PXDNL: variants seen among roughly 807,000 people sequenced by gnomAD.
The protein encoded by PXDNL is probable oxidoreductase PXDNL.
In PXDNL, 145 loss-of-function variants were observed where a neutral mutation model predicts 150.8. The observed-to-expected ratio is 0.96, with a 90% confidence interval of 0.84 to 1.10. The LOEUF (loss-of-function observed/expected upper bound fraction) is 1.10, where lower values mean the gene tolerates loss of function less well. PXDNL is among the 50% of genes least tolerant of loss of function. The pLI is 0.00. For synonymous variants in PXDNL, 757 were observed against 725.7 expected (o/e 1.04, Z -0.69); for missense variants, 2,087 against 1,873.9 (o/e 1.11, Z -2.10).
chr8:51,373,588 AC>A (rs1337835155), intron 18 of PXDNL, among the ~76,000 whole-genome samples: 3 of 152,228 alleles, frequency 2.0e-5, no homozygotes, highest in African/African-American at 7.2e-5. Flanking sequence ...ATTAATTGTT[AC>A]CAATGTGCAA....
At chr8:51,372,519 G>A (rs1807155851) in intron 18 of PXDNL, among the ~76,000 whole-genome samples, 1 of 152,140 alleles carries the variant, frequency 6.6e-6, no homozygotes, top group African/African-American at 2.4e-5. Context: ...CAAGTAGCTG[G>A]GATTACAGGC....
chr8:51,573,114 A>G (rs530035003), intron 3 of PXDNL, among the ~76,000 whole-genome samples: 3 of 152,192 alleles, frequency 2.0e-5, no homozygotes, highest in African/African-American at 4.8e-5. Context: ...GAAAACTTTT[A>G]GAAAATAATA....
At chr8:51,489,062 C>G (rs897466883) in intron 5 of PXDNL, among the ~76,000 whole-genome samples, 1 of 151,878 alleles carries the variant, frequency 6.6e-6, no homozygotes, top group Non-Finnish European at 1.5e-5. Context: ...GTAAAACATA[C>G]CAGGTTAGGA....
At chr8:51,769,304 C>G (rs535891346) in intron 1 of PXDNL, among the ~76,000 whole-genome samples, 1 of 152,336 alleles carries the variant, frequency 6.6e-6, no homozygotes, top group African/African-American at 2.4e-5. Flanking sequence ...TGCATCCACT[C>G]TCATAAAACT....
intron 1 of PXDNL, among the ~76,000 whole-genome samples, chr8:51,759,984 C>CT (rs1442195117): frequency 6.6e-6 from 1 of 152,240 alleles, no homozygotes; most frequent in East Asian, 1.9e-4. Flanking sequence ...TCTAACTTCT[C>CT]TATCAGTTCT....
intron 4 of PXDNL, among the ~76,000 whole-genome samples, chr8:51,538,077 AC>A (rs775808486): frequency 1.3e-5 from 2 of 152,230 alleles, no homozygotes; most frequent in Non-Finnish European, 1.5e-5. Flanking sequence ...AGAGGTACTT[AC>A]AAATAGACGT....
intron 3 of PXDNL, among the ~76,000 whole-genome samples, chr8:51,578,634 T>C (rs1813140876): frequency 6.6e-6 from 1 of 151,540 alleles, no homozygotes; most frequent in South Asian, 2.1e-4. Flanking sequence ...TATGTTTTAA[T>C]GGAAAGGCAA....
chr8:51,788,953 G>A (rs895491415), intron 1 of PXDNL, among the ~76,000 whole-genome samples: 1 of 141,598 alleles, frequency 7.1e-6, no homozygotes, highest in African/African-American at 3.0e-5. Flanking sequence ...TCCCTGTCCT[G>A]TGGATACAGA....
At chr8:51,782,745 T>C (rs1170597981) in intron 1 of PXDNL, among the ~76,000 whole-genome samples, 1 of 152,228 alleles carries the variant, frequency 6.6e-6, no homozygotes, top group East Asian at 1.9e-4. Context: ...CTCCAAGTCA[T>C]GGTACTTATC....
intron 8 of PXDNL, among the ~76,000 whole-genome samples, chr8:51,460,409 C>A (rs1431975413): frequency 1.4e-5 from 2 of 142,632 alleles, no homozygotes; most frequent in East Asian, 2.0e-4. Context: ...CATAGCTAAA[C>A]CTCAACATTA....
intron 8 of PXDNL, among the ~76,000 whole-genome samples, chr8:51,459,034 G>T (rs1810004717): frequency 6.6e-6 from 1 of 152,188 alleles, no homozygotes; most frequent in Non-Finnish European, 1.5e-5. Flanking sequence ...TGAAAAGCCA[G>T]CAATGCAAGA....
intron 21 of PXDNL, among the ~76,000 whole-genome samples, chr8:51,338,406 T>A (rs1195106763): frequency 6.6e-6 from 1 of 152,180 alleles, no homozygotes; most frequent in Non-Finnish European, 1.5e-5. Flanking sequence ...TTTAAGGGGC[T>A]TGTAGTTCAC....
At chr8:51,464,591 T>C (rs1233133200) in intron 8 of PXDNL, among the ~76,000 whole-genome samples, 2 of 151,974 alleles carry the variant, frequency 1.3e-5, no homozygotes, top group Non-Finnish European at 2.9e-5. Flanking sequence ...TAAGAGGAAA[T>C]GGACAATTCC....
chr8:51,603,758 A>G (rs1249495900), intron 2 of PXDNL, among the ~76,000 whole-genome samples: 4 of 152,132 alleles, frequency 2.6e-5, no homozygotes, highest in Non-Finnish European at 5.9e-5. Flanking sequence ...AATGATGATA[A>G]TGGACATTCT....
At chr8:51,504,465 G>A (rs1326769124) in intron 4 of PXDNL, among the ~76,000 whole-genome samples, 1 of 152,112 alleles carries the variant, frequency 6.6e-6, no homozygotes, top group Non-Finnish European at 1.5e-5. Context: ...TTGTAGCCCA[G>A]TAAACCTTCC....
chr8:51,414,197 A>G (rs116195199), intron 14 of PXDNL, among the ~76,000 whole-genome samples: 4,198 of 151,882 alleles, frequency 0.028, 232 homozygotes, highest in African/African-American at 0.094. Flanking sequence ...ACCACAATAT[A>G]GTATGATAGA....
intron 4 of PXDNL, among the ~76,000 whole-genome samples, chr8:51,532,454 C>T (rs999023630): frequency 6.6e-6 from 1 of 152,198 alleles, no homozygotes; most frequent in Non-Finnish European, 1.5e-5. Flanking sequence ...AGCATTAATG[C>T]CACAATGTGT....
chr8:51,664,709 GACCATTTATAT>G (rs1815344746), intron 1 of PXDNL, among the ~76,000 whole-genome samples: 1 of 152,038 alleles, frequency 6.6e-6, no homozygotes, highest in Non-Finnish European at 1.5e-5. Context: ...CCTGGTTCTT[GACCATTTATAT>G]AGTGACCTGG....
At chr8:51,343,927 C>G (rs956190543) in intron 20 of PXDNL, among the ~76,000 whole-genome samples, 1 of 152,182 alleles carries the variant, frequency 6.6e-6, no homozygotes, top group Non-Finnish European at 1.5e-5. Flanking sequence ...ATCAGAGTTC[C>G]AATTACCTTG....
Sources: gnomAD v4.1 joint callset for allele counts (sites outside exome capture counted in the v4.1 genomes callset) on GRCh38, gnomAD v4.1.1 for gene constraint, MANE v1.5 for transcripts, NCBI Gene and HGNC (gene_info 2026-07-23, HGNC 2026-07-21) for gene names.